MED13L: variants seen among roughly 807,000 people sequenced by gnomAD.
MED13L encodes mediator complex subunit 13L.
In MED13L, 7 loss-of-function variants were observed where a neutral mutation model predicts 220.9. The observed-to-expected ratio is 0.03, with a 90% CI of 0.02 to 0.06. The LOEUF (loss-of-function observed/expected upper bound fraction) is 0.06. Among genes scored for constraint, MED13L ranks in the 10% least tolerant of loss-of-function variants. The pLI, the probability that MED13L is intolerant of heterozygous loss-of-function variation, is 1.00. For missense variants in MED13L, 1,965 were observed against 2,760.5 expected, an observed-to-expected ratio of 0.71 and a Z score of 6.46; for synonymous variants, 1,011 against 1,015.2, an observed-to-expected ratio of 1.00 and a Z score of 0.08.
intron 2 of MED13L, among the ~76,000 whole-genome samples, chr12:116,133,432 T>G (rs1876254560): frequency 6.6e-6 from 1 of 152,140 alleles, no homozygotes. Flanking sequence ...CAATTCAGCA[T>G]GACGGTAGAC....
chr12:116,004,615 T>C (rs1442060029), intron 13 of MED13L, among the ~76,000 whole-genome samples: 1 of 152,184 alleles, frequency 6.6e-6, no homozygotes, highest in East Asian at 1.9e-4. Context: ...AGACCAATGG[T>C]CTGTTCCTTA....
chr12:116,233,231 G>A (rs1433274603), intron 2 of MED13L, among the ~76,000 whole-genome samples: 1 of 151,874 alleles, frequency 6.6e-6, no homozygotes, highest in Non-Finnish European at 1.5e-5. Context: ...TAATAAAAGT[G>A]TTAAAGACTA....
intron 3 of MED13L, among the ~76,000 whole-genome samples, chr12:116,108,045 G>A (rs978894109): frequency 4.6e-5 from 7 of 151,634 alleles, no homozygotes; most frequent in South Asian, 2.1e-4. Flanking sequence ...AGCCGAGATC[G>A]TGCCACTGCA....
chr12:116,112,909 G>A (rs1054435716), intron 2 of MED13L, among the ~76,000 whole-genome samples: 1 of 152,036 alleles, frequency 6.6e-6, no homozygotes, highest in Admixed American at 6.6e-5. Flanking sequence ...CTGACCCTAA[G>A]GCACCATCAA....
At chr12:116,067,041 A>G (rs1869996299) in intron 4 of MED13L, among the ~76,000 whole-genome samples, 1 of 152,198 alleles carries the variant, frequency 6.6e-6, no homozygotes, top group African/African-American at 2.4e-5. Context: ...GAGTGGAAAT[A>G]ATTGTGGAGG....
chr12:116,179,121 A>G (rs569175811), intron 2 of MED13L, among the ~76,000 whole-genome samples: 28 of 152,326 alleles, frequency 1.8e-4, no homozygotes, highest in Non-Finnish European at 2.6e-4. Flanking sequence ...AAGGTACTGA[A>G]TAACTCTGGT....
intron 2 of MED13L, among the ~76,000 whole-genome samples, chr12:116,228,917 C>T (rs1869269698): frequency 6.6e-6 from 1 of 152,058 alleles, no homozygotes; most frequent in Non-Finnish European, 1.5e-5. Context: ...ATCACTATGC[C>T]ATCTTAATGA....
chr12:116,185,693 CTTTTCTTTTCTTTTCTTTTCG>C (rs1880847125), intron 2 of MED13L, among the ~76,000 whole-genome samples: 3 of 89,150 alleles, frequency 3.4e-5, no homozygotes, highest in Non-Finnish European at 6.8e-5. Flanking sequence ...CTTTTCTTTT[CTTTTCTTTTCTTTTCTTTTCG>C]AGATAAGAGT....
intron 2 of MED13L, among the ~76,000 whole-genome samples, chr12:116,226,778 G>A (rs1369305005): frequency 5.9e-5 from 9 of 151,530 alleles, no homozygotes; most frequent in Admixed American, 3.3e-4. Flanking sequence ...CTGAGGCAGG[G>A]GAACTGCTCG....
chr12:116,006,161 G>T, intron 12 of MED13L, 145 bp downstream of exon 12: 1 of 1,268,170 alleles, frequency 7.9e-7, no homozygotes, highest in Non-Finnish European at 1.1e-6. Context: ...GTTTTGAAAG[G>T]AACTGAAAAA....
intron 30 of MED13L, 117 bp from the exon 31 acceptor site, chr12:115,961,515 T>C: frequency 2.2e-6 from 3 of 1,370,234 alleles, no homozygotes; most frequent in Non-Finnish European, 3.1e-6. Context: ...TTCCTTAACT[T>C]GCCCCAGGCT....
intron 2 of MED13L, among the ~76,000 whole-genome samples, chr12:116,154,279 G>A (rs181353147): frequency 1.2e-4 from 18 of 152,212 alleles, no homozygotes; most frequent in Admixed American, 6.5e-4. Context: ...CCAAAAGCCC[G>A]TCCTATTAAT....
At chr12:116,086,554 T>C (rs904158269) in intron 4 of MED13L, among the ~76,000 whole-genome samples, 2 of 152,156 alleles carry the variant, frequency 1.3e-5, no homozygotes, top group African/African-American at 4.8e-5. Context: ...AGTGCTAGGA[T>C]TACAGGCGTG....
At chr12:116,104,027 T>TTTTTTTTTTTTTG (rs1873333304) in intron 3 of MED13L, among the ~76,000 whole-genome samples, 1 of 114,420 alleles carries the variant, frequency 8.7e-6, no homozygotes, top group Admixed American at 1.0e-4. Flanking sequence ...TTTTTTTTTT[T>TTTTTTTTTTTTTG]GAGACGGAGT....
chr12:116,142,393 A>G (rs1877153911), intron 2 of MED13L, among the ~76,000 whole-genome samples: 1 of 152,198 alleles, frequency 6.6e-6, no homozygotes, highest in African/African-American at 2.4e-5. Flanking sequence ...TATCCAAGAC[A>G]AAAGACATTA....
chr12:116,116,859 G>A (rs1018688641), intron 2 of MED13L, among the ~76,000 whole-genome samples: 2 of 149,330 alleles, frequency 1.3e-5, no homozygotes, highest in African/African-American at 2.4e-5. Flanking sequence ...TTTGTGTTGT[G>A]AGAGTACATG....
chr12:116,083,636 A>C (rs1451375696), intron 4 of MED13L, among the ~76,000 whole-genome samples: 7 of 152,186 alleles, frequency 4.6e-5, no homozygotes, highest in Non-Finnish European at 8.8e-5. Flanking sequence ...TCCATCAGGA[A>C]AACTCGTAAT....
intron 3 of MED13L, among the ~76,000 whole-genome samples, chr12:116,106,689 TAC>T (rs1026422238): frequency 1.3e-5 from 2 of 151,684 alleles, no homozygotes; most frequent in African/African-American, 4.8e-5. Context: ...TACTAAAAAA[TAC>T]AAAAATTAGC....
intron 3 of MED13L, among the ~76,000 whole-genome samples, chr12:116,110,703 T>C (rs367939328): frequency 6.6e-6 from 1 of 152,132 alleles, no homozygotes; most frequent in South Asian, 2.1e-4. Context: ...CCTCAGTCAA[T>C]TGACAGAACA....
Sources: gnomAD v4.1 joint callset for allele counts (sites outside exome capture counted in the v4.1 genomes callset) on GRCh38, gnomAD v4.1.1 for gene constraint, MANE v1.5 for transcripts, NCBI Gene and HGNC (gene_info 2026-07-23, HGNC 2026-07-21) for gene names.